Variants in ST7 observed in about 807,000 individuals in gnomAD.
ST7 encodes suppressor of tumorigenicity 7 protein.
A neutral mutation model predicts 78.7 loss-of-function variants in ST7; 28 were observed. The observed-to-expected ratio is 0.36, with a 90% CI of 0.26 to 0.49. ST7 has a LOEUF of 0.49. Ranked by LOEUF, ST7 falls within the 20% of genes least tolerant of loss-of-function variation. ST7 has a pLI of 0.99. For missense variants in ST7, 418 were observed against 696.0 expected (o/e 0.60, Z 4.49); for synonymous variants, 247 against 249.6 (o/e 0.99, Z 0.10).
Position 117,070,800 on chromosome 7 carries a change from C to T in ST7, c.152-28962C>T, listed in dbSNP as rs561868568. Among the ~76,000 whole-genome samples the T allele has an allele frequency of 2.5e-4, 38 of 152,156 alleles. 1 individual carries two copies. The highest frequency in any genetic ancestry group is 8.7e-4 in the African/African-American group (36 of 41,534). On this transcript the variant is annotated intron_variant, in intron 1 of 15. Transcript: ENST00000323984. ...CCTTGTGATCCGCCCGCCTCGGCCT[C>T]CCAAAGTGCTGGGATTATAGGCGTG...
intron 9 of ST7, among the ~76,000 whole-genome samples, chr7:117,166,973 T>C (rs1023210479): frequency 6.6e-6 from 1 of 151,458 alleles, no homozygotes; most frequent in African/African-American, 2.4e-5. Flanking sequence ...ATGCAGATGC[T>C]GTGTGAGCAA....
chr7:117,216,735 T>A (rs1009611216), intron 13 of ST7, among the ~76,000 whole-genome samples: 1 of 152,188 alleles, frequency 6.6e-6, no homozygotes, highest in Non-Finnish European at 1.5e-5. Flanking sequence ...AGAAATTGTA[T>A]TTGCTTTTGT....
chr7:117,210,638 G>A (rs1211607073), intron 13 of ST7, among the ~76,000 whole-genome samples: 1 of 152,130 alleles, frequency 6.6e-6, no homozygotes, highest in Non-Finnish European at 1.5e-5. Context: ...AGGTCCATGG[G>A]GTGGAGTGAT....
At chr7:117,174,005 T>TA (rs1808187564) in intron 10 of ST7, among the ~76,000 whole-genome samples, 1 of 152,170 alleles carries the variant, frequency 6.6e-6, no homozygotes, top group Non-Finnish European at 1.5e-5. Flanking sequence ...TTCACCACCT[T>TA]AAAAAAAGTT....
intron 1 of ST7, among the ~76,000 whole-genome samples, chr7:116,984,345 T>C (rs964569704): frequency 3.3e-5 from 5 of 152,146 alleles, no homozygotes; most frequent in Admixed American, 2.0e-4. Context: ...CAACAGAAAA[T>C]AGACTAATAC....
chr7:117,134,858 C>G (rs1018888242), intron 7 of ST7, among the ~76,000 whole-genome samples: 1 of 151,976 alleles, frequency 6.6e-6, no homozygotes, highest in African/African-American at 2.4e-5. Flanking sequence ...TTGTTTAAAG[C>G]CCCATTGATG....
intron 10 of ST7, among the ~76,000 whole-genome samples, chr7:117,179,244 A>G (rs1025881538): frequency 1.3e-5 from 2 of 152,208 alleles, no homozygotes; most frequent in Non-Finnish European, 2.9e-5. Flanking sequence ...ATGTTTGCAA[A>G]ATGAAGGAAG....
chr7:116,974,153 A>G (rs1326723150), intron 1 of ST7, among the ~76,000 whole-genome samples: 2 of 152,210 alleles, frequency 1.3e-5, no homozygotes, highest in African/African-American at 4.8e-5. Context: ...TTTCTCCCAT[A>G]TAATTTTTAA....
chr7:117,171,042 T>C (rs575648879), intron 10 of ST7, 66 bp downstream of exon 10: 889 of 1,019,776 alleles, frequency 8.7e-4, no homozygotes, highest in Non-Finnish European at 9.9e-4. Flanking sequence ...CTGATTAGAT[T>C]AGAAGGGTCA....
intron 1 of ST7, among the ~76,000 whole-genome samples, chr7:117,086,040 C>T (rs539288971): frequency 9.5e-4 from 145 of 152,276 alleles, no homozygotes; most frequent in Non-Finnish European, 1.7e-3. Flanking sequence ...CCCTTCTTCT[C>T]CCTCCCCCTT....
intron 1 of ST7, among the ~76,000 whole-genome samples, chr7:117,028,730 G>T (rs1796326703): frequency 6.6e-6 from 1 of 152,164 alleles, no homozygotes; most frequent in Non-Finnish European, 1.5e-5. Context: ...CTCCATTGGT[G>T]GTTCTCATGA....
At chr7:117,021,300 G>C (rs1425388046) in intron 1 of ST7, among the ~76,000 whole-genome samples, 7 of 152,064 alleles carry the variant, frequency 4.6e-5, no homozygotes, top group Non-Finnish European at 8.8e-5. Context: ...CAGCTACAAT[G>C]GATATTTTAA....
At chr7:117,145,031 C>G (rs1258366719) in intron 9 of ST7, among the ~76,000 whole-genome samples, 4 of 152,052 alleles carry the variant, frequency 2.6e-5, no homozygotes, top group South Asian at 4.2e-4. Context: ...AAAACCCCAT[C>G]TCTACTAAAA....
chr7:117,115,419 A>C (rs911008423), intron 2 of ST7, among the ~76,000 whole-genome samples: 1 of 147,296 alleles, frequency 6.8e-6, no homozygotes, highest in African/African-American at 2.5e-5. Context: ...CAGTCCCGCG[A>C]TCTCAGCTCA....
At chr7:116,981,604 A>G (rs1793963921) in intron 1 of ST7, among the ~76,000 whole-genome samples, 1 of 152,216 alleles carries the variant, frequency 6.6e-6, no homozygotes, top group African/African-American at 2.4e-5. Flanking sequence ...TTTTGTAGAT[A>G]ACAAGCATTT....
intron 9 of ST7, chr7:117,145,669 A>C (rs994977084): frequency 1.3e-5 from 2 of 152,204 alleles, no homozygotes; most frequent in Admixed American, 1.3e-4. Context: ...TTGTTTCTGC[A>C]GAAACACTAT....
intron 1 of ST7, among the ~76,000 whole-genome samples, chr7:117,039,367 A>G (rs1797085249): frequency 6.6e-6 from 1 of 152,152 alleles, no homozygotes; most frequent in Non-Finnish European, 1.5e-5. Context: ...TGAGGCCAGG[A>G]GTTCAAGACC....
chr7:117,152,479 C>G (rs1174880572), intron 9 of ST7, among the ~76,000 whole-genome samples: 6 of 151,924 alleles, frequency 3.9e-5, no homozygotes, highest in African/African-American at 1.5e-4. Context: ...TAATCATGTC[C>G]CACTTAACAG....
At chr7:117,162,122 G>A (rs543421468) in intron 9 of ST7, among the ~76,000 whole-genome samples, 102 of 152,118 alleles carry the variant, frequency 6.7e-4, no homozygotes, top group African/African-American at 2.4e-3. Context: ...AGTATAATTT[G>A]CTCTCATTTT....
Sources: allele counts gnomAD v4.1 joint callset (sites outside exome capture counted in the v4.1 genomes callset), GRCh38; gene constraint gnomAD v4.1.1; transcripts MANE v1.5; gene names NCBI Gene and HGNC (gene_info 2026-07-23, HGNC 2026-07-21).